Variants in ATF6 observed in about 807,000 individuals in gnomAD.
The protein encoded by ATF6 is activating transcription factor 6, also known as cyclic AMP-dependent transcription factor ATF-6 alpha.
In ATF6, 53 loss-of-function variants were observed where a neutral mutation model predicts 83.6. The ratio of observed to expected loss-of-function variants is 0.63; its 90% CI spans 0.51 to 0.80. The LOEUF is 0.80. Ranked by LOEUF, ATF6 falls within the 30% of genes least tolerant of loss-of-function variation. The pLI is 0.00. For synonymous variants in ATF6, 288 were observed against 285.8 expected, an observed-to-expected ratio of 1.01 and a Z score of -0.08; for missense variants, 744 against 797.9, an observed-to-expected ratio of 0.93 and a Z score of 0.81.
chr1:161,848,800 G>C (rs951417981), intron 10 of ATF6, among the ~76,000 whole-genome samples: 7 of 152,070 alleles, frequency 4.6e-5, no homozygotes, highest in Non-Finnish European at 1.0e-4. Flanking sequence ...GGCATAAAAT[G>C]TTTGCAAGCA....
chr1:161,901,917 G>A (rs1687794665), intron 14 of ATF6, among the ~76,000 whole-genome samples: 1 of 152,062 alleles, frequency 6.6e-6, no homozygotes, highest in East Asian at 1.9e-4. Flanking sequence ...GAAGATACTG[G>A]TTCACTAAGA....
chr1:161,873,124 G>A (rs1342049144), intron 14 of ATF6, among the ~76,000 whole-genome samples: 1 of 151,500 alleles, frequency 6.6e-6, no homozygotes, highest in East Asian at 1.9e-4. Context: ...AAAAATAAAA[G>A]AGCGTATGGA....
At chr1:161,893,870 T>G (rs1301305677) in intron 14 of ATF6, among the ~76,000 whole-genome samples, 2 of 152,218 alleles carry the variant, frequency 1.3e-5, no homozygotes, top group Non-Finnish European at 2.9e-5. Context: ...TTACTCAAAC[T>G]GTCAAGCTTT....
In ATF6 at chr1:161,768,051, C is replaced by T. The variant is rs188945534; in HGVS notation, c.82+1609C>T. ...TGTATTTTTAGTAGAGACGAGGTTT[C>T]TCCATGTTGGTTAGGCTGGTCTGGA... On this transcript the variant is annotated intron_variant, in intron 1 of 15. Coordinates refer to ENST00000367942, the MANE Select transcript of ATF6 (RefSeq NM_007348.4). Among the ~76,000 whole-genome samples the T allele has an allele frequency of 8.4e-4, 128 of 152,284 alleles. 4 individuals are homozygous for T. The East Asian group carries it at 0.016, about 19-fold the overall frequency.
chr1:161,955,083 A>G (rs1688939103), intron 15 of ATF6, among the ~76,000 whole-genome samples: 1 of 152,120 alleles, frequency 6.6e-6, no homozygotes, highest in Non-Finnish European at 1.5e-5. Context: ...AATGTTGACC[A>G]TGTTCTATTT....
rs1003745983 is a variant in ATF6 at position 161,777,824 on chromosome 1, C to T, written c.83-420C>T. On this transcript the variant is annotated intron_variant, in intron 1 of 15. Transcript: ENST00000367942. ...ACTTAAGGCATGGATAACAAATACG[C>T]AGTGTGTATATACTTTCCACAGCCC... Among the ~76,000 whole-genome samples, 6 of 152,112 alleles carry T rather than the reference C, an allele frequency of 3.9e-5. No homozygotes were observed. In the East Asian group the frequency reaches 1.2e-3, roughly 29 times the overall value.
chr1:161,803,168 TA>T (rs2101756961), intron 7 of ATF6, among the ~76,000 whole-genome samples: 1 of 152,326 alleles, frequency 6.6e-6, no homozygotes, highest in African/African-American at 2.4e-5. Flanking sequence ...CAAGGTTGTT[TA>T]TCAGACTACT....
chr1:161,908,752 T>C (rs1033133511), intron 14 of ATF6, among the ~76,000 whole-genome samples: 1 of 152,210 alleles, frequency 6.6e-6, no homozygotes, highest in African/African-American at 2.4e-5. Context: ...ATGGCAACAT[T>C]CTTATTCTAC....
chr1:161,954,519 A>C (rs1688928168), intron 15 of ATF6, among the ~76,000 whole-genome samples: 2 of 152,202 alleles, frequency 1.3e-5, no homozygotes, highest in Admixed American at 1.3e-4. Context: ...TTTTAATATT[A>C]AACTTCATGT....
At chr1:161,946,248 G>A (rs1364090072) in intron 15 of ATF6, among the ~76,000 whole-genome samples, 1 of 152,114 alleles carries the variant, frequency 6.6e-6, no homozygotes, top group African/African-American at 2.4e-5. Context: ...GCCTGCTTTG[G>A]CCTCCCGAAG....
At chr1:161,938,228 A>G (rs2101907448) in intron 15 of ATF6, among the ~76,000 whole-genome samples, 1 of 152,226 alleles carries the variant, frequency 6.6e-6, no homozygotes, top group South Asian at 2.1e-4. Context: ...ATTTTTGTTT[A>G]AGGTATTATA....
Position 161,960,206 on chromosome 1 carries a change from T to G in ATF6, c.*1552T>G, listed in dbSNP as rs1398981446. ...AACTGGATCTCATACAGCGATGTCC[T>G]CTCTAATGTTCTACCTTTCAGTTTC... On this transcript the variant is annotated 3_prime_UTR_variant, in exon 16 of 16. Transcript: ENST00000367942. 1 of 152,210 alleles carries G rather than the reference T, an allele frequency of 6.6e-6. No homozygotes were observed. Among genetic ancestry groups the G allele is most frequent in the Non-Finnish European group, 1.5e-5 (1 of 68,044 alleles). The allele number at this position is 152,210 out of a possible 1,614,324, so 9.4% of individuals were successfully genotyped here.
At chr1:161,951,904 C>G (rs1688871336) in intron 15 of ATF6, among the ~76,000 whole-genome samples, 1 of 152,170 alleles carries the variant, frequency 6.6e-6, no homozygotes, top group South Asian at 2.1e-4. Context: ...AGGCAATCCT[C>G]CCTCTGTCTA....
At chr1:161,824,086 G>C (rs1685825718) in intron 9 of ATF6, among the ~76,000 whole-genome samples, 1 of 152,156 alleles carries the variant, frequency 6.6e-6, no homozygotes, top group Non-Finnish European at 1.5e-5. Context: ...ACTAGCAGGA[G>C]AGAGGAGTAT....
At chr1:161,772,443 C>T (rs561034046) in intron 1 of ATF6, among the ~76,000 whole-genome samples, 2 of 152,298 alleles carry the variant, frequency 1.3e-5, no homozygotes, top group South Asian at 4.1e-4. Context: ...CTTCAAACCT[C>T]CAACATCTCT....
chr1:161,825,046 A>G (rs1177149640), intron 9 of ATF6, among the ~76,000 whole-genome samples: 1 of 152,224 alleles, frequency 6.6e-6, no homozygotes, highest in Admixed American at 6.5e-5. Flanking sequence ...ATGTCCTACA[A>G]TTTGACTCAA....
chr1:161,807,863 ATCTTTTT>A (rs1378913042), intron 7 of ATF6, among the ~76,000 whole-genome samples: 20 of 54,796 alleles, frequency 3.6e-4, no homozygotes, highest in African/African-American at 1.1e-3. Context: ...TTAGTTTGTC[ATCTTTTT>A]TTTTTTTTTT....
chr1:161,775,863 G>A (rs1684502732), intron 1 of ATF6, among the ~76,000 whole-genome samples: 1 of 151,390 alleles, frequency 6.6e-6, no homozygotes, highest in African/African-American at 2.4e-5. Flanking sequence ...GGACCTCTTA[G>A]CAGACAGAAC....
chr1:161,775,486 A>AACCT (rs1571118108), intron 1 of ATF6, among the ~76,000 whole-genome samples: 1 of 152,150 alleles, frequency 6.6e-6, no homozygotes, highest in East Asian at 1.9e-4. Context: ...TATAAGAACC[A>AACCT]ACCTACCTAC....
Sources: allele counts gnomAD v4.1 joint callset (sites outside exome capture counted in the v4.1 genomes callset), GRCh38; gene constraint gnomAD v4.1.1; transcripts MANE v1.5; gene names NCBI Gene and HGNC (gene_info 2026-07-23, HGNC 2026-07-21).